The following GFM1 variants were observed in gnomAD, a reference collection of about 807,000 sequenced individuals.
GFM1 encodes elongation factor G, mitochondrial.
A neutral mutation model predicts 96.2 loss-of-function variants in GFM1; 62 were observed. The observed-to-expected ratio is 0.64, with a 90% confidence interval of 0.53 to 0.80. The LOEUF is 0.80. Among genes scored for constraint, GFM1 ranks in the 30% least tolerant of loss-of-function variants. GFM1 has a pLI of 0.00. For synonymous variants in GFM1, 282 were observed against 312.9 expected, an observed-to-expected ratio of 0.90 and a Z score of 1.04; for missense variants, 852 against 916.6, an observed-to-expected ratio of 0.93 and a Z score of 0.91.
chr3:158,653,198 C>A, intron 6 of GFM1, 112 bp from the exon 7 acceptor site: 1 of 830,796 alleles, frequency 1.2e-6, no homozygotes, highest in Non-Finnish European at 1.9e-6. Context: ...CTATTAGAGT[C>A]AGCACTCCAA....
chr3:158,664,975 T>G (rs1361887722), intron 11 of GFM1, among the ~76,000 whole-genome samples: 1 of 152,208 alleles, frequency 6.6e-6, no homozygotes, highest in Non-Finnish European at 1.5e-5. Flanking sequence ...TGCTGATTCC[T>G]TTGATTATGT....
intron 11 of GFM1, 32 bp from the exon 12 acceptor site, chr3:158,665,303 TAA>T (rs1560135324): frequency 6.4e-7 from 1 of 1,553,438 alleles, no homozygotes; most frequent in Non-Finnish European, 8.9e-7. Context: ...TCATGCTCAG[TAA>T]AACATATAGT....
intron 14 of GFM1, 99 bp from the exon 15 acceptor site, chr3:158,684,424 TA>T: frequency 1.6e-6 from 2 of 1,226,384 alleles, no homozygotes; most frequent in Non-Finnish European, 2.4e-6. Flanking sequence ...ACAGCACACA[TA>T]AAAACGTACA....
chr3:158,666,167 A>T (rs898636683), intron 12 of GFM1, 137 bp from the exon 13 acceptor site: 42 of 688,038 alleles, frequency 6.1e-5, no homozygotes, highest in Non-Finnish European at 1.0e-4. Context: ...CCTAATCCTT[A>T]TAAGATACTA....
At chr3:158,660,790 GTGTAC>G in intron 9 of GFM1, 79 bp from the exon 10 acceptor site, 6 of 1,080,658 alleles carry the variant, frequency 5.6e-6, no homozygotes, top group Non-Finnish European at 8.6e-6. Context: ...TATACAATGT[GTGTAC>G]TGTACAGTTT....
chr3:158,661,697 T>C (rs1174341431), intron 10 of GFM1, among the ~76,000 whole-genome samples: 1 of 152,202 alleles, frequency 6.6e-6, no homozygotes, highest in African/African-American at 2.4e-5. Context: ...ATCTCTTTTA[T>C]GAATTCAGTA....
intron 1 of GFM1, among the ~76,000 whole-genome samples, chr3:158,645,190 G>A (rs774795551): frequency 2.8e-4 from 43 of 152,018 alleles, no homozygotes; most frequent in Non-Finnish European, 8.8e-5. Flanking sequence ...GGAGCTACTA[G>A]CATCACTGCA....
At position 158,693,508 on chromosome 3, in the gene GFM1, T is replaced by A. The variant is rs1454514232; in HGVS notation, c.*2041T>A. The A allele has an allele frequency of 1.3e-5, 2 of 152,140 alleles. No homozygotes were observed. Among genetic ancestry groups the A allele is most frequent in the African/African-American group, 4.8e-5 (2 of 41,416 alleles). 9.4% of individuals were successfully genotyped at this position (152,140 alleles called of 1,614,324 possible). ...ATTCAGGCCTAGCTGGTGGGAGTAA[T>A]TAGAATAGGTTCACAAATGGACAGA... On this transcript the variant is annotated 3_prime_UTR_variant, in exon 18 of 18. Coordinates refer to ENST00000486715, the MANE Select transcript of GFM1 (RefSeq NM_024996.7).
Position 158,692,113 on chromosome 3 carries a change from G to C in GFM1, c.*646G>C, listed in dbSNP as rs1166487013. Reference sequence around the variant, plus strand: ...AGAGTGTTTTTCAGATTCTTCATTGGGATATTAAAATATTAGCCAAATTTC... The same window carrying C: ...AGAGTGTTTTTCAGATTCTTCATTGCGATATTAAAATATTAGCCAAATTTC... On this transcript the variant is annotated 3_prime_UTR_variant, in exon 18 of 18. Coordinates refer to ENST00000486715, the MANE Select transcript of GFM1 (RefSeq NM_024996.7). The C allele has an allele frequency of 2.0e-5, 3 of 152,092 alleles. 1 individual carries two copies. The highest frequency in any genetic ancestry group is 4.4e-5 in the Non-Finnish European group (3 of 68,056). 9.4% of individuals were successfully genotyped at this position (152,092 alleles called of 1,614,324 possible).
chr3:158,673,155 A>T (rs986639374), intron 13 of GFM1, among the ~76,000 whole-genome samples: 1 of 152,166 alleles, frequency 6.6e-6, no homozygotes, highest in Non-Finnish European at 1.5e-5. Context: ...CTATAGTATT[A>T]AATTGGGAGA....
At chr3:158,658,661 A>AT (rs1722955994) in intron 8 of GFM1, among the ~76,000 whole-genome samples, 2 of 152,340 alleles carry the variant, frequency 1.3e-5, no homozygotes, top group Non-Finnish European at 1.5e-5. Context: ...ACAACTTAAA[A>AT]ATTTTGTTCT....
chr3:158,664,306 T>G (rs1253742999), intron 11 of GFM1, among the ~76,000 whole-genome samples: 1 of 152,242 alleles, frequency 6.6e-6, no homozygotes, highest in African/African-American at 2.4e-5. Context: ...GGCTGATAGC[T>G]GTTCTCAAAG....
intron 13 of GFM1, among the ~76,000 whole-genome samples, chr3:158,673,127 AG>A (rs1490095468): frequency 6.6e-6 from 1 of 152,196 alleles, no homozygotes. Context: ...CCCAAATCAA[AG>A]TATGAGAATC....
intron 12 of GFM1, 62 bp from the exon 13 acceptor site, chr3:158,666,242 T>C: frequency 5.3e-6 from 6 of 1,135,856 alleles, no homozygotes; most frequent in Non-Finnish European, 7.9e-6. Context: ...ATAAGATGCT[T>C]AGGAGGTTTT....
chr3:158,646,937 C>T lies in GFM1; in HGVS notation c.562C>T (p.Gln188Ter). ...RMGSNPARAL[Q>*]QMRSKLNHNA... ...GGGCTCCAACCCAGCCAGGGCCCTG[C>T]AGCAAATGAGGTAATGAGCCTTAGA... Residue 188 changes from glutamine (Q) to a stop codon, truncating the protein, a stop_gained, in exon 4 of 18, where the codon CAG (glutamine) becomes TAG (stop). Coordinates refer to ENST00000486715, the MANE Select transcript of GFM1 (RefSeq NM_024996.7). LOFTEE classifies it high-confidence loss of function. 1 of 1,613,668 alleles carries T rather than the reference C, an allele frequency of 6.2e-7. No individual in the cohort carries two copies. The highest frequency in any genetic ancestry group is 8.5e-7 in the Non-Finnish European group (1 of 1,179,626).
In GFM1 at chr3:158,652,090, T is replaced by C; in HGVS notation, c.690-6T>C. On this transcript the variant is annotated splice_polypyrimidine_tract_variant and splice_region_variant and intron_variant, in intron 5 of 17. Coordinates refer to ENST00000486715, the MANE Select transcript of GFM1 (RefSeq NM_024996.7). Reference sequence around the variant, plus strand: ...CCTTAAAGCACCAAAATATTTGCTTTCTTAGTCAGATTGTTCGATATGGTG... The same window carrying C: ...CCTTAAAGCACCAAAATATTTGCTTCCTTAGTCAGATTGTTCGATATGGTG... 1 of 1,613,876 alleles carries C rather than the reference T, an allele frequency of 6.2e-7. No individual in the cohort carries two copies. The highest frequency in any genetic ancestry group is 8.5e-7 in the Non-Finnish European group (1 of 1,179,724).
Position 158,658,956 on chromosome 3 carries a change from G to T in GFM1, c.1118G>T (p.Ser373Ile). 4 of 1,614,136 alleles carry T rather than the reference G, an allele frequency of 2.5e-6. No individual in the cohort carries two copies. The highest frequency in any genetic ancestry group is 3.4e-6 in the Non-Finnish European group (4 of 1,180,020). Residue 373 changes from serine (S) to isoleucine (I), a missense_variant, in exon 9 of 18, where the codon AGT becomes ATT. Ser to Ile is a moderately radical substitution (Grantham distance 142, BLOSUM62 -2). Coordinates refer to ENST00000486715, the MANE Select transcript of GFM1 (RefSeq NM_024996.7). ...GRFGQLTYVRSYQGELKKGDT... is the reference protein window; with the variant it reads ...GRFGQLTYVRIYQGELKKGDT... Reference sequence around the variant, plus strand: ...TTTGGACAATTAACTTATGTTCGCAGTTATCAGGGAGAGCTAAAGAAGGGT... The same window carrying T: ...TTTGGACAATTAACTTATGTTCGCATTTATCAGGGAGAGCTAAAGAAGGGT...
chr3:158,662,163 G>C (rs894220623), intron 10 of GFM1, among the ~76,000 whole-genome samples: 1 of 152,136 alleles, frequency 6.6e-6, no homozygotes, highest in African/African-American at 2.4e-5. Flanking sequence ...TTCGTAAAAT[G>C]GGGATAATAC....
intron 5 of GFM1, chr3:158,649,939 G>A: frequency 7.9e-7 from 1 of 1,272,002 alleles, no homozygotes; most frequent in Admixed American, 2.0e-5. Context: ...TCTAGACAAT[G>A]TGAGGAGTCA....
Sources: gnomAD v4.1 joint callset for allele counts (sites outside exome capture counted in the v4.1 genomes callset) on GRCh38, gnomAD v4.1.1 for gene constraint, MANE v1.5 for transcripts, NCBI Gene and HGNC (gene_info 2026-07-23, HGNC 2026-07-21) for gene names.